LPA: variants seen among roughly 807,000 people sequenced by gnomAD.
The protein encoded by LPA is lipoprotein(a), also known as apolipoprotein(a).
LPA carries 199 observed loss-of-function variants against 197.9 expected under a neutral mutation model. The ratio of observed to expected loss-of-function variants is 1.01; its 90% CI spans 0.90 to 1.13. The LOEUF is 1.13. Ranked by LOEUF, LPA falls within the 50% of genes most tolerant of loss-of-function variation. The pLI is 0.00. For synonymous variants in LPA, 715 were observed against 639.5 expected, an observed-to-expected ratio of 1.12 and a Z score of -1.78; for missense variants, 1,853 against 1,785.8, an observed-to-expected ratio of 1.04 and a Z score of -0.68.
chr6:160,575,932 T>G (rs1214768817), intron 28 of LPA, among the ~76,000 whole-genome samples: 2 of 152,160 alleles, frequency 1.3e-5, no homozygotes, highest in Non-Finnish European at 2.9e-5. Context: ...CCAGCTGCCT[T>G]TGTAATCCCA....
chr6:160,654,574 A>G (rs1264483137), intron 1 of LPA, among the ~76,000 whole-genome samples: 2 of 152,152 alleles, frequency 1.3e-5, no homozygotes, highest in Non-Finnish European at 2.9e-5. Flanking sequence ...TCTTCAAATA[A>G]AGACAATAAT....
At chr6:160,540,407 C>T (rs1562314733) in intron 35 of LPA, among the ~76,000 whole-genome samples, 1 of 152,216 alleles carries the variant, frequency 6.6e-6, no homozygotes, top group African/African-American at 2.4e-5. Context: ...TTTGTCCCCA[C>T]CTAAATCTCG....
chr6:160,598,411 C>T (rs1158450307), intron 20 of LPA, among the ~76,000 whole-genome samples: 1 of 152,218 alleles, frequency 6.6e-6, no homozygotes, highest in Non-Finnish European at 1.5e-5. Context: ...TGGCTACAGT[C>T]AGCTTGGGCT....
At chr6:160,657,277 C>A (rs1427129378) in intron 1 of LPA, among the ~76,000 whole-genome samples, 1 of 152,172 alleles carries the variant, frequency 6.6e-6, no homozygotes, top group African/African-American at 2.4e-5. Context: ...ACTCCACCAT[C>A]CTAATCTCCC....
chr6:160,555,319 G>GTA (rs1340528619), intron 30 of LPA, among the ~76,000 whole-genome samples: 1 of 138,558 alleles, frequency 7.2e-6, no homozygotes, highest in African/African-American at 2.9e-5. Flanking sequence ...GTGTGTGTGT[G>GTA]TGTATGTGTG....
intron 28 of LPA, among the ~76,000 whole-genome samples, chr6:160,557,943 G>A (rs1164737420): frequency 1.3e-5 from 2 of 148,670 alleles, no homozygotes; most frequent in Non-Finnish European, 3.0e-5. Context: ...TTTTTGTGAC[G>A]GAGTCTCGCT....
At chr6:160,602,084 T>G (rs2115056141) in intron 18 of LPA, among the ~76,000 whole-genome samples, 2 of 152,264 alleles carry the variant, frequency 1.3e-5, no homozygotes, top group Middle Eastern at 6.8e-3. Flanking sequence ...AAATGTATTA[T>G]GGGCCATGGG....
rs577294242 is a variant in LPA, at chr6:160,534,737, C to T, written c.5843-2088G>A. 2.6e-3 allele frequency among the ~76,000 whole-genome samples: 397 copies of T among 152,256 alleles called. 3 individuals are homozygous for T. Among genetic ancestry groups the T allele is most frequent in the Non-Finnish European group, 4.5e-3 (306 of 68,020 alleles). On this transcript the variant is annotated intron_variant, in intron 37 of 38. Transcript: ENST00000316300. ...TAGTTGGTGTTCTGAAAATCCTTTT[C>T]TCAGTGGACATGTGGGTGAGACCAG... is the stretch of plus-strand genomic sequence containing the variant.
Position 160,650,427 on chromosome 6 carries a change from G to C in LPA, c.120C>G (p.Tyr40Ter), listed in dbSNP as rs771773768. ...HGDGQSYRGT[Y>*]STTVTGRTCQ... is the part of the protein sequence containing the mutation. ...AGGTCCTTCCTGTGACAGTGGTGGA[G>C]TACGTGCCTCGATAACTCTGTCCAT... The change falls in exon 2 of 39, where the codon TAC (tyrosine) becomes TAG (stop). Residue 40 changes from tyrosine (Y) to a stop codon, truncating the protein, a stop_gained. Coordinates refer to ENST00000316300, the MANE Select transcript of LPA (RefSeq NM_005577.4). LOFTEE classifies it high-confidence loss of function. 1.2e-6 allele frequency: 2 copies of C among 1,613,758 alleles called. No individual in the cohort carries two copies. Among genetic ancestry groups the C allele is most frequent in the African/African-American group, 1.3e-5 (1 of 74,912 alleles).
chr6:160,603,637 G>A (rs918499985), intron 18 of LPA, among the ~76,000 whole-genome samples: 2 of 152,034 alleles, frequency 1.3e-5, no homozygotes, highest in African/African-American at 2.4e-5. Context: ...CCTGGTCATG[G>A]TTCATACTAA....
chr6:160,658,738 T>C (rs941447442), intron 1 of LPA, among the ~76,000 whole-genome samples: 1 of 152,134 alleles, frequency 6.6e-6, no homozygotes, highest in Non-Finnish European at 1.5e-5. Flanking sequence ...GGTCTAATCA[T>C]ATTAATCAGC....
chr6:160,589,872 G>T (rs144322028), intron 23 of LPA, among the ~76,000 whole-genome samples, 160 bp from the exon 24 acceptor site: 1 of 152,326 alleles, frequency 6.6e-6, no homozygotes, highest in East Asian at 1.9e-4. Flanking sequence ...AAAGCTCAAA[G>T]ATTCATAGCA....
At chr6:160,598,834 A>G (rs6926458) in intron 20 of LPA, among the ~76,000 whole-genome samples, 31,149 of 152,196 alleles carry the variant, frequency 0.2, 3,740 homozygotes, top group East Asian at 0.42. Context: ...GTGACCCAAG[A>G]TGCAAAAGGC....
intron 16 of LPA, 69 bp downstream of exon 16, chr6:160,611,493 A>C: frequency 6.3e-7 from 1 of 1,591,774 alleles, no homozygotes; most frequent in Non-Finnish European, 8.6e-7. Flanking sequence ...ACTCAGCTTG[A>C]AGCATGTCTC....
chr6:160,542,450 G>T (rs1455809153), intron 34 of LPA, among the ~76,000 whole-genome samples: 2 of 152,154 alleles, frequency 1.3e-5, no homozygotes, highest in Non-Finnish European at 2.9e-5. Context: ...AAATCACTGT[G>T]CCTACAGATT....
intron 16 of LPA, among the ~76,000 whole-genome samples, chr6:160,607,610 C>A (rs1019390091): frequency 6.6e-6 from 1 of 152,080 alleles, no homozygotes; most frequent in African/African-American, 2.4e-5. Context: ...GAACGTTGCT[C>A]CAACCTCTCT....
intron 1 of LPA, among the ~76,000 whole-genome samples, chr6:160,651,493 G>T (rs1454616319): frequency 6.6e-6 from 1 of 152,184 alleles, no homozygotes; most frequent in Non-Finnish European, 1.5e-5. Flanking sequence ...GCCAAATTCA[G>T]TTCAACCAGT....
At chr6:160,658,614 A>G (rs1780169937) in intron 1 of LPA, among the ~76,000 whole-genome samples, 1 of 152,222 alleles carries the variant, frequency 6.6e-6, no homozygotes, top group Non-Finnish European at 1.5e-5. Flanking sequence ...GCCTCTCATA[A>G]GTGATGAATC....
chr6:160,578,582 C>A lies in LPA; in HGVS notation c.4412G>T (p.Ser1471Ile). ...GGCCACTGTGGGAGTTGTGAGGACA[C>A]TCGATTCTGTCACTGGACATCGTGT... ...NLTRCPVTES[S>I]VLTTPTVAPV... The change falls in exon 27 of 39, where the codon AGT becomes ATT. Residue 1471 changes from serine (S) to isoleucine (I), a missense_variant. Physicochemically the swap from Ser to Ile is moderately radical, Grantham distance 142. This residue lies in a region of LPA where 1,737 missense variants were observed against 1,504.4 expected (regional missense o/e 1.15). Transcript: ENST00000316300. 6.2e-7 allele frequency: 1 copy of A among 1,614,030 alleles called. No homozygotes were observed.
Sources: allele counts gnomAD v4.1 joint callset (sites outside exome capture counted in the v4.1 genomes callset), GRCh38; gene constraint gnomAD v4.1.1; regional missense constraint gnomAD v4.1.1; transcripts MANE v1.5; gene names NCBI Gene and HGNC (gene_info 2026-07-23, HGNC 2026-07-21).